XKR6: variants seen among roughly 807,000 people sequenced by gnomAD.
XKR6 encodes XK related 6.
A neutral mutation model predicts 56.7 loss-of-function variants in XKR6; 22 were observed. The observed-to-expected ratio is 0.39, with a 90% CI of 0.28 to 0.55. The LOEUF (loss-of-function observed/expected upper bound fraction) is 0.55. Ranked by LOEUF, XKR6 falls within the 20% of genes least tolerant of loss-of-function variation. XKR6 has a pLI of 0.66. For missense variants in XKR6, 852 were observed against 889.0 expected, an observed-to-expected ratio of 0.96 and a Z score of 0.53; for synonymous variants, 524 against 387.8, an observed-to-expected ratio of 1.35 and a Z score of -4.13.
intron 2 of XKR6, among the ~76,000 whole-genome samples, chr8:10,902,481 G>T (rs188509529): frequency 6.6e-6 from 1 of 152,220 alleles, no homozygotes; most frequent in East Asian, 1.9e-4. Context: ...GCCATGTCGC[G>T]CTGCTCCCAC....
intron 2 of XKR6, among the ~76,000 whole-genome samples, chr8:10,923,810 C>A (rs73196838): frequency 2.6e-5 from 4 of 152,066 alleles, no homozygotes; most frequent in Non-Finnish European, 5.9e-5. Context: ...GGGGTATGGA[C>A]GGCAGACCCC....
chr8:11,101,785 T>C lies in XKR6; in HGVS notation c.764+98791A>G, dbSNP rs534560598. On this transcript the variant is annotated intron_variant, in intron 1 of 2. Coordinates refer to ENST00000416569, the MANE Select transcript of XKR6 (RefSeq NM_173683.4). ...ATTTGACCCTGCTCACCATTCCTCA[T>C]GCTGTTTAGTTTGTGGGTTTATCTC... is the stretch of plus-strand genomic sequence containing the variant. Among the ~76,000 whole-genome samples the C allele has an allele frequency of 2.6e-5, 4 of 152,318 alleles. No individual in the cohort carries two copies. In the East Asian group the frequency reaches 7.7e-4, roughly 29 times the overall value.
At chr8:11,179,187 G>A (rs1022574893) in intron 1 of XKR6, among the ~76,000 whole-genome samples, 26 of 151,678 alleles carry the variant, frequency 1.7e-4, no homozygotes, top group African/African-American at 6.3e-4. Context: ...GATTGGTTTC[G>A]GTTCTGTGAG....
intron 1 of XKR6, among the ~76,000 whole-genome samples, chr8:10,943,867 G>A (rs536136519): frequency 1.3e-5 from 2 of 151,948 alleles, no homozygotes; most frequent in Admixed American, 6.6e-5. Context: ...GATCATCTGC[G>A]AGCCCCATTT....
intron 1 of XKR6, among the ~76,000 whole-genome samples, chr8:11,127,192 T>G (rs1037581468): frequency 1.3e-5 from 2 of 152,172 alleles, no homozygotes; most frequent in African/African-American, 4.8e-5. Context: ...TCCACCAGAC[T>G]GTGGTCAGAT....
chr8:10,944,480 T>C (rs1331106201), intron 1 of XKR6, among the ~76,000 whole-genome samples: 1 of 152,088 alleles, frequency 6.6e-6, no homozygotes, highest in Non-Finnish European at 1.5e-5. Flanking sequence ...ACTCCAGCCA[T>C]TCACCACACG....
chr8:10,984,583 T>C (rs1797807697), intron 1 of XKR6, among the ~76,000 whole-genome samples: 1 of 151,604 alleles, frequency 6.6e-6, no homozygotes, highest in Non-Finnish European at 1.5e-5. Context: ...ATGATTAAAA[T>C]AGTAAAGGAA....
chr8:11,106,024 C>T (rs1396586075), intron 1 of XKR6: 1 of 152,210 alleles, frequency 6.6e-6, no homozygotes, highest in South Asian at 2.1e-4. Context: ...TTGCAGACTA[C>T]ATCCTTTTAC....
chr8:10,924,855 C>A, intron 1 of XKR6, 25 bp from the exon 2 acceptor site: 1 of 1,603,332 alleles, frequency 6.2e-7, no homozygotes. Flanking sequence ...GGGGAGAACA[C>A]AGAGAGCATG....
chr8:11,132,223 T>A lies in XKR6; in HGVS notation c.764+68353A>T, dbSNP rs562672139. On this transcript the variant is annotated intron_variant, in intron 1 of 2. Coordinates refer to ENST00000416569, the MANE Select transcript of XKR6 (RefSeq NM_173683.4). ...AGTAATCAGTTGTCTTTGAGACAAG[T>A]TATCCTCAAGATCAAAGTGAATGCA... is the stretch of plus-strand genomic sequence containing the variant. Among the ~76,000 whole-genome samples, 5 of 152,194 alleles carry A rather than the reference T, an allele frequency of 3.3e-5. No homozygotes were observed. The East Asian group carries it at 7.7e-4, about 24-fold the overall frequency.
Position 11,149,632 on chromosome 8 carries a change from T to C in XKR6, c.764+50944A>G, listed in dbSNP as rs531855991. Among the ~76,000 whole-genome samples the C allele has an allele frequency of 2.6e-5, 4 of 151,224 alleles. No individual in the cohort carries two copies. The South Asian group carries it at 6.3e-4, about 24-fold the overall frequency. On this transcript the variant is annotated intron_variant, in intron 1 of 2. Transcript: ENST00000416569. The stretch of plus-strand genomic sequence containing the variant: ...TCACGTTAAAAAAAAAAAGACCCAC[T>C]GTTACTGTTGCTGAGAATGTCAATT...
At position 10,898,211 on chromosome 8, in the gene XKR6, G is replaced by A. The variant is rs1178382329; in HGVS notation, c.1667C>T (p.Ala556Val). 3 of 1,614,056 alleles carry A rather than the reference G, an allele frequency of 1.9e-6. No homozygotes were observed. In the Admixed American group the frequency reaches 5.0e-5, roughly 27 times the overall value. The change falls in exon 3 of 3, where the codon GCT becomes GTT. Residue 556 changes from alanine to valine, a missense_variant. By Grantham distance (64) the Ala-to-Val change is moderately conservative. This residue lies in a region of XKR6 where 197 missense variants were observed against 190.9 expected (regional missense o/e 1.03). Coordinates refer to ENST00000416569, the MANE Select transcript of XKR6 (RefSeq NM_173683.4). The surrounding 1 kb of genome is among the most constrained non-coding windows in gnomAD (Gnocchi z 6.6). ...TTGGAAAACAGGCAAGCAAGTGTCA[G>A]CCGTGAGATCCTCCTGTTGTTCCGT... ...AVTEQQEDLT[A>V]DTCLPVFQVR...
In XKR6 at chr8:11,201,209, T is replaced by TCGCCGCCGC. The variant is rs762436563; in HGVS notation, c.122_130dup (p.Gly41_Gly43dup). On this transcript the variant is annotated inframe_insertion, in exon 1 of 3. Coordinates refer to ENST00000416569, the MANE Select transcript of XKR6 (RefSeq NM_173683.4). ...GCTGCTCTCGCCGGGCTCGCTGCCG[T>TCGCCGCCGC]CGCCGCCGCCGCCGCAGCCGCCTCC... 1.3e-5 allele frequency: 20 copies of TCGCCGCCGC among 1,531,380 alleles called. No homozygotes were observed. The highest frequency in any genetic ancestry group is 1.5e-5 in the Non-Finnish European group (17 of 1,146,040). The allele number at this position is 1,531,380 out of a possible 1,614,324, so 94.9% of individuals were successfully genotyped here. A position where few individuals can be genotyped will look rare whatever the true frequency, so the allele number is the denominator to read the frequency against.
chr8:11,006,430 G>C lies in XKR6; in HGVS notation c.765-81600C>G, dbSNP rs796500227. On this transcript the variant is annotated intron_variant, in intron 1 of 2. Coordinates refer to ENST00000416569, the MANE Select transcript of XKR6 (RefSeq NM_173683.4). ...CCCTTATCGTATGTTGCATGTCTGA[G>C]ACATGCCAGTCATTGGAGACATCAA... is the stretch of plus-strand genomic sequence containing the variant. Among the ~76,000 whole-genome samples, 69 of 152,250 alleles carry C rather than the reference G, an allele frequency of 4.5e-4. 1 individual carries two copies. Among genetic ancestry groups the C allele is most frequent in the African/African-American group, 1.6e-3 (68 of 41,546 alleles).
chr8:11,078,995 G>C, intron 1 of XKR6, among the ~76,000 whole-genome samples: 1 of 152,250 alleles, frequency 6.6e-6, no homozygotes, highest in East Asian at 1.9e-4. Flanking sequence ...CCGGGGCGAG[G>C]AAGAAGGAGC....
At chr8:11,062,891 C>T (rs577494726) in intron 1 of XKR6, 30 of 455,050 alleles carry the variant, frequency 6.6e-5, no homozygotes, top group Non-Finnish European at 1.2e-4. Context: ...TTCCAGACGT[C>T]GTACTGAAAT....
intron 1 of XKR6, among the ~76,000 whole-genome samples, chr8:11,052,016 CT>C (rs1212212385): frequency 3.9e-5 from 6 of 152,104 alleles, no homozygotes; most frequent in African/African-American, 1.2e-4. Context: ...TCTAAGTTCC[CT>C]CCCCTCAACG....
chr8:10,911,339 ATG>A (rs57838606), intron 2 of XKR6, among the ~76,000 whole-genome samples: 41,385 of 111,390 alleles, frequency 0.37, 6,844 homozygotes, highest in African/African-American at 0.49. Context: ...ATATATATAT[ATG>A]TGTGTGTGTG....
At chr8:11,177,792 C>T (rs936546766) in intron 1 of XKR6, among the ~76,000 whole-genome samples, 2 of 152,214 alleles carry the variant, frequency 1.3e-5, no homozygotes, top group Non-Finnish European at 2.9e-5. Context: ...GCCCTGCTCA[C>T]GCATTGACTG....
Sources: gnomAD v4.1 joint callset for allele counts (sites outside exome capture counted in the v4.1 genomes callset) on GRCh38, gnomAD v4.1.1 for gene constraint, gnomAD v4.1.1 regional missense constraint, Gnocchi (gnomAD v3.1) non-coding constraint, MANE v1.5 for transcripts, NCBI Gene and HGNC (gene_info 2026-07-23, HGNC 2026-07-21) for gene names.